Variants in ADHFE1 observed in about 807,000 individuals in gnomAD.
ADHFE1 encodes the protein alcohol dehydrogenase iron containing 1.
Under a neutral mutation model 54.8 loss-of-function variants are expected in ADHFE1, and 37 were observed. The observed-to-expected ratio is 0.68, with a 90% CI of 0.52 to 0.89. The LOEUF is 0.89. ADHFE1 is among the 40% of genes least tolerant of loss of function. The pLI is 0.00. For missense variants in ADHFE1, 601 were observed against 591.2 expected, an observed-to-expected ratio of 1.02 and a Z score of -0.17; for synonymous variants, 203 against 229.3, an observed-to-expected ratio of 0.89 and a Z score of 1.04.
chr8:66,447,410 T>C, intron 7 of ADHFE1, 69 bp downstream of exon 7: 1 of 1,313,156 alleles, frequency 7.6e-7, no homozygotes, highest in Non-Finnish European at 1.1e-6. Flanking sequence ...ATCCTAATAT[T>C]TAAAAATCAA....
At chr8:66,455,909 C>T (rs1310180457) in intron 10 of ADHFE1, among the ~76,000 whole-genome samples, 1 of 152,102 alleles carries the variant, frequency 6.6e-6, no homozygotes, top group Non-Finnish European at 1.5e-5. Context: ...CACTCCAGCC[C>T]AGGCAACAGA....
chr8:66,432,590 G>A lies in ADHFE1; in HGVS notation c.59+15G>A. The A allele has an allele frequency of 7.7e-7, 1 of 1,305,176 alleles. No homozygotes were observed. The highest frequency in any genetic ancestry group is 9.8e-7 in the Non-Finnish European group (1 of 1,021,450). The allele number at this position is 1,305,176 out of a possible 1,614,324, so 80.8% of individuals were successfully genotyped here. A position where few individuals can be genotyped will look rare whatever the true frequency, so the allele number is the denominator to read the frequency against. On this transcript the variant is annotated intron_variant, in intron 1 of 13. Coordinates refer to ENST00000396623, the MANE Select transcript of ADHFE1 (RefSeq NM_144650.3). ...CAACGCGCAGCGTGAGTGCGGGGCC[G>A]GCGGGCGGGCAGGGGACCGCAGGGT...
At chr8:66,452,231 C>T (rs570402340) in intron 9 of ADHFE1, 126 bp downstream of exon 9, 22 of 1,298,960 alleles carry the variant, frequency 1.7e-5, no homozygotes, top group East Asian at 5.2e-5. Context: ...TCAGTGGATG[C>T]GCAGAAGCCC....
At chr8:66,445,560 C>T in intron 6 of ADHFE1, 146 bp downstream of exon 6, 1 of 792,170 alleles carries the variant, frequency 1.3e-6, no homozygotes, top group Non-Finnish European at 1.9e-6. Flanking sequence ...GGAGAACAAT[C>T]ATTCATTTTA....
intron 1 of ADHFE1, among the ~76,000 whole-genome samples, chr8:66,437,551 C>G (rs932204686): frequency 7.1e-6 from 1 of 141,092 alleles, no homozygotes; most frequent in African/African-American, 2.5e-5. Context: ...CCCCACCCCC[C>G]TCCCCCAGGC....
chr8:66,452,268 C>T (rs1806339715), intron 9 of ADHFE1, among the ~76,000 whole-genome samples, 163 bp downstream of exon 9: 1 of 152,156 alleles, frequency 6.6e-6, no homozygotes, highest in Non-Finnish European at 1.5e-5. Context: ...CTGGAGGGAC[C>T]CAAGGGACAG....
rs540173386 is a variant in ADHFE1 at position 66,456,739 on chromosome 8, C to T, written c.987-78C>T. Reference sequence around the variant, plus strand: ...CTGTCTAGAGGCCGTGACAGGCATCCCCATAAGAGTATCTTTCTATTGTTG... The same window carrying T: ...CTGTCTAGAGGCCGTGACAGGCATCTCCATAAGAGTATCTTTCTATTGTTG... On this transcript the variant is annotated intron_variant, in intron 10 of 13. Coordinates refer to ENST00000396623, the MANE Select transcript of ADHFE1 (RefSeq NM_144650.3). 3.7e-6 allele frequency: 4 copies of T among 1,079,544 alleles called. No individual in the cohort carries two copies. The South Asian group carries it at 5.3e-5, about 14-fold the overall frequency. The allele number at this position is 1,079,544 out of a possible 1,614,324, so 66.9% of individuals were successfully genotyped here.
chr8:66,456,019 A>T (rs573403491), intron 10 of ADHFE1, among the ~76,000 whole-genome samples: 9 of 152,060 alleles, frequency 5.9e-5, no homozygotes, highest in African/African-American at 2.2e-4. Flanking sequence ...GATATAAAAA[A>T]TTTTTCACTA....
chr8:66,452,828 G>T (rs1806369571), intron 9 of ADHFE1, among the ~76,000 whole-genome samples: 1 of 152,190 alleles, frequency 6.6e-6, no homozygotes, highest in African/African-American at 2.4e-5. Flanking sequence ...AGACAGCAAA[G>T]ATATACTTAG....
chr8:66,464,434 C>T (rs1234497863), intron 13 of ADHFE1, among the ~76,000 whole-genome samples: 1 of 152,208 alleles, frequency 6.6e-6, no homozygotes, highest in African/African-American at 2.4e-5. Flanking sequence ...TCAGATAAGA[C>T]TCTCTCCCAT....
chr8:66,436,131 G>A (rs1170614994), intron 1 of ADHFE1, among the ~76,000 whole-genome samples: 1 of 151,962 alleles, frequency 6.6e-6, no homozygotes, highest in African/African-American at 2.4e-5. Context: ...AGCCAGGCTG[G>A]TCTTGAACTC....
chr8:66,468,415 A>G lies in ADHFE1; in HGVS notation c.*63A>G. The stretch of plus-strand genomic sequence containing the variant: ...TAGTGCTGAGAGCAAGAGCTGATCT[A>G]GCTAGGGCTTTGTCTTTTCATCTTT... On this transcript the variant is annotated 3_prime_UTR_variant, in exon 14 of 14. Transcript: ENST00000396623. 5 of 1,375,328 alleles carry G rather than the reference A, an allele frequency of 3.6e-6. No homozygotes were observed. Among genetic ancestry groups the G allele is most frequent in the African/African-American group, 1.5e-5 (1 of 68,384 alleles). The allele number at this position is 1,375,328 out of a possible 1,614,324, so 85.2% of individuals were successfully genotyped here. A position where few individuals can be genotyped will look rare whatever the true frequency, so the allele number is the denominator to read the frequency against.
At chr8:66,434,978 C>CAAAA (rs534816704) in intron 1 of ADHFE1, among the ~76,000 whole-genome samples, 1 of 140,268 alleles carries the variant, frequency 7.1e-6, no homozygotes. Flanking sequence ...GACTGTGTCT[C>CAAAA]AAAAAAAAAA....
At chr8:66,441,443 G>T (rs1011226107) in intron 2 of ADHFE1, among the ~76,000 whole-genome samples, 1 of 152,080 alleles carries the variant, frequency 6.6e-6, no homozygotes. Flanking sequence ...TTGAGTTTTG[G>T]TTAAGGATGC....
At chr8:66,433,752 G>A (rs1265066463) in intron 1 of ADHFE1, among the ~76,000 whole-genome samples, 2 of 152,152 alleles carry the variant, frequency 1.3e-5, no homozygotes, top group African/African-American at 2.4e-5. Flanking sequence ...AGAATTACAT[G>A]GCCAAATAAG....
At position 66,456,606 on chromosome 8, in the gene ADHFE1, T is replaced by C. The variant is rs146716372; in HGVS notation, c.987-211T>C. Among the ~76,000 whole-genome samples, 48 of 152,368 alleles carry C rather than the reference T, an allele frequency of 3.2e-4. No individual in the cohort carries two copies. In the East Asian group the frequency reaches 8.1e-3, roughly 26 times the overall value. ...CATACAATTCTATGAGCATTTGAAT[T>C]TGAGCATTTTCAGAGGTTTTGTTAA... On this transcript the variant is annotated intron_variant, in intron 10 of 13. Coordinates refer to ENST00000396623, the MANE Select transcript of ADHFE1 (RefSeq NM_144650.3).
chr8:66,436,348 C>T (rs184323197), intron 1 of ADHFE1, among the ~76,000 whole-genome samples: 5 of 152,084 alleles, frequency 3.3e-5, no homozygotes, highest in Non-Finnish European at 5.9e-5. Flanking sequence ...GTAATGGTTG[C>T]GGAAAGACCA....
Position 66,454,151 on chromosome 8 carries a change from A to G in ADHFE1, c.980A>G (p.His327Arg), listed in dbSNP as rs905225089. ...ATCGGCTTTGGAAATGCTGGTGTTC[A>G]TCTGTGGTGAGCAAGTCTGAGATTT... ...AGIGFGNAGV[H>R]LCHGMSYPIS... The change falls in exon 10 of 14, where the codon CAT becomes CGT. Residue 327 changes from histidine to arginine, a missense_variant. Coordinates refer to ENST00000396623, the MANE Select transcript of ADHFE1 (RefSeq NM_144650.3). 1 of 1,613,996 alleles carries G rather than the reference A, an allele frequency of 6.2e-7. No homozygotes were observed. Among genetic ancestry groups the G allele is most frequent in the Non-Finnish European group, 8.5e-7 (1 of 1,179,992 alleles).
chr8:66,448,739 T>C, intron 7 of ADHFE1, 126 bp from the exon 8 acceptor site: 1 of 874,488 alleles, frequency 1.1e-6, no homozygotes, highest in South Asian at 1.6e-5. Flanking sequence ...CCTTACTGCC[T>C]CACTACATGA....
Sources: allele counts gnomAD v4.1 joint callset (sites outside exome capture counted in the v4.1 genomes callset), GRCh38; gene constraint gnomAD v4.1.1; transcripts MANE v1.5; gene names NCBI Gene and HGNC (gene_info 2026-07-23, HGNC 2026-07-21).